Variants in ADAMTS17 observed in about 807,000 individuals in gnomAD.
The protein encoded by ADAMTS17 is A disintegrin and metalloproteinase with thrombospondin motifs 17.
ADAMTS17 carries 113 observed loss-of-function variants against 141.5 expected under a neutral mutation model. The ratio of observed to expected loss-of-function variants is 0.80; its 90% CI spans 0.69 to 0.93. The LOEUF (loss-of-function observed/expected upper bound fraction) is 0.93, where lower values mean the gene tolerates loss of function less well. Ranked by LOEUF, ADAMTS17 falls within the 40% of genes least tolerant of loss-of-function variation. The probability of loss-of-function intolerance (pLI) is 0.00; values close to 1 mark genes in which losing one functional copy is unlikely to be tolerated. For missense variants in ADAMTS17, 1,659 were observed against 1,517.9 expected, an observed-to-expected ratio of 1.09 and a Z score of -1.54; for synonymous variants, 768 against 630.6, an observed-to-expected ratio of 1.22 and a Z score of -3.27.
At chr15:100,158,345 T>C (rs1168688690) in intron 8 of ADAMTS17, among the ~76,000 whole-genome samples, 1 of 152,222 alleles carries the variant, frequency 6.6e-6, no homozygotes, top group Non-Finnish European at 1.5e-5. Flanking sequence ...ATAAAAAAGA[T>C]TTTAAAAATA....
chr15:100,177,119 G>A (rs1057284853), intron 8 of ADAMTS17, among the ~76,000 whole-genome samples: 4 of 152,184 alleles, frequency 2.6e-5, no homozygotes, highest in African/African-American at 9.7e-5. Flanking sequence ...CCAATTCTCT[G>A]GGATAAATGC....
At chr15:100,023,909 T>C (rs547992887) in intron 18 of ADAMTS17, among the ~76,000 whole-genome samples, 44 of 152,278 alleles carry the variant, frequency 2.9e-4, no homozygotes, top group African/African-American at 1.0e-3. Flanking sequence ...TTCATGCACA[T>C]TGTAGAAAAT....
chr15:100,119,218 G>A (rs180943687), intron 12 of ADAMTS17, among the ~76,000 whole-genome samples: 12 of 152,090 alleles, frequency 7.9e-5, no homozygotes, highest in Non-Finnish European at 1.3e-4. Flanking sequence ...AGGACTGTAC[G>A]ACAATAACTT....
intron 15 of ADAMTS17, among the ~76,000 whole-genome samples, chr15:100,084,724 G>A (rs2034986935): frequency 1.3e-5 from 2 of 152,172 alleles, no homozygotes; most frequent in Non-Finnish European, 2.9e-5. Flanking sequence ...CTGATACCCA[G>A]GCAAACAGGG....
chr15:100,335,027 C>T (rs1034721252), intron 2 of ADAMTS17, among the ~76,000 whole-genome samples: 3 of 152,114 alleles, frequency 2.0e-5, no homozygotes, highest in Non-Finnish European at 2.9e-5. Context: ...CATCCTCCAT[C>T]GCCTCTCAGC....
intron 8 of ADAMTS17, among the ~76,000 whole-genome samples, chr15:100,195,491 A>G (rs1455236419): frequency 6.6e-6 from 1 of 151,894 alleles, no homozygotes; most frequent in East Asian, 1.9e-4. Context: ...AGCCTGTTCC[A>G]TGTTTCCGTA....
chr15:100,275,992 G>T (rs1482359967), intron 4 of ADAMTS17, among the ~76,000 whole-genome samples: 1 of 64,718 alleles, frequency 1.5e-5, no homozygotes, highest in Non-Finnish European at 3.0e-5. Flanking sequence ...TGACCACAGA[G>T]ACCTAAGTGG....
chr15:100,231,022 CA>C (rs2042464897), intron 7 of ADAMTS17, among the ~76,000 whole-genome samples: 1 of 152,170 alleles, frequency 6.6e-6, no homozygotes, highest in Non-Finnish European at 1.5e-5. Flanking sequence ...CTGTTGGCAC[CA>C]AAAGGAATTG....
chr15:99,998,228 G>A (rs933109226), intron 18 of ADAMTS17, among the ~76,000 whole-genome samples: 5 of 152,204 alleles, frequency 3.3e-5, no homozygotes, highest in Non-Finnish European at 5.9e-5. Flanking sequence ...CTCCGGAGAT[G>A]GCTGTGGTGC....
At chr15:100,025,693 C>T (rs557691552) in intron 18 of ADAMTS17, among the ~76,000 whole-genome samples, 22 of 152,254 alleles carry the variant, frequency 1.4e-4, no homozygotes, top group African/African-American at 4.8e-4. Flanking sequence ...GGATTACAGG[C>T]GTGAGCCACC....
At chr15:100,119,389 G>C (rs930838401) in intron 12 of ADAMTS17, among the ~76,000 whole-genome samples, 3 of 152,182 alleles carry the variant, frequency 2.0e-5, no homozygotes, top group Admixed American at 6.5e-5. Context: ...ACACGGACTG[G>C]AAGGGAGTAA....
chr15:100,315,260 T>A (rs945304691), intron 3 of ADAMTS17, among the ~76,000 whole-genome samples: 3 of 152,240 alleles, frequency 2.0e-5, no homozygotes, highest in Non-Finnish European at 4.4e-5. Context: ...TGCTGCTTCC[T>A]GCGGCAGCCT....
intron 8 of ADAMTS17, among the ~76,000 whole-genome samples, chr15:100,196,381 C>G (rs1231175262): frequency 6.6e-6 from 1 of 152,248 alleles, no homozygotes; most frequent in Non-Finnish European, 1.5e-5. Flanking sequence ...TCATGTGAAT[C>G]TGTGCAACTC....
chr15:100,155,385 T>C, intron 8 of ADAMTS17, 65 bp from the exon 9 acceptor site: 1 of 1,576,072 alleles, frequency 6.3e-7, no homozygotes, highest in African/African-American at 1.3e-5. Flanking sequence ...TTCCTGGTGC[T>C]AGCGGACCAT....
chr15:99,974,724 G>A (rs1230526077), intron 21 of ADAMTS17, among the ~76,000 whole-genome samples, 162 bp from the exon 22 acceptor site: 1 of 152,218 alleles, frequency 6.6e-6, no homozygotes, highest in South Asian at 2.1e-4. Flanking sequence ...CAGGGCACTG[G>A]GGGTGCCACT....
At chr15:100,110,138 G>T (rs1032939267) in intron 13 of ADAMTS17, among the ~76,000 whole-genome samples, 10 of 138,570 alleles carry the variant, frequency 7.2e-5, no homozygotes, top group African/African-American at 2.9e-4. Context: ...CCCACAGTGG[G>T]CCCAGGACCT....
chr15:100,133,369 C>A, intron 10 of ADAMTS17, 54 bp from the exon 11 acceptor site: 1 of 1,527,688 alleles, frequency 6.5e-7, no homozygotes, highest in South Asian at 1.2e-5. Context: ...ACTCACAGGT[C>A]ACAGCTGGGG....
chr15:100,213,492 A>T (rs2041872815), intron 7 of ADAMTS17, among the ~76,000 whole-genome samples: 1 of 152,104 alleles, frequency 6.6e-6, no homozygotes, highest in Non-Finnish European at 1.5e-5. Context: ...CACACACCAC[A>T]CACACCCCGG....
chr15:99,984,639 T>C (rs562011394), intron 20 of ADAMTS17, among the ~76,000 whole-genome samples: 2 of 152,200 alleles, frequency 1.3e-5, no homozygotes, highest in African/African-American at 4.8e-5. Flanking sequence ...ATCAGCCCTA[T>C]GAGGGCTACC....
Sources: gnomAD v4.1 joint callset for allele counts (sites outside exome capture counted in the v4.1 genomes callset) on GRCh38, gnomAD v4.1.1 for gene constraint, MANE v1.5 for transcripts, NCBI Gene and HGNC (gene_info 2026-07-23, HGNC 2026-07-21) for gene names.